Variants in RBFOX1 observed in about 807,000 individuals in gnomAD.
RBFOX1 encodes the protein RNA binding fox-1 homolog 1.
RBFOX1 carries 8 observed loss-of-function variants against 57.7 expected under a neutral mutation model. That is an observed-to-expected ratio of 0.14 (90% CI 0.08 to 0.25). The LOEUF (loss-of-function observed/expected upper bound fraction) is 0.25, where lower values mean the gene tolerates loss of function less well. Among genes scored for constraint, RBFOX1 ranks in the 10% least tolerant of loss-of-function variants. The pLI, the probability that RBFOX1 is intolerant of heterozygous loss-of-function variation, is 1.00. For synonymous variants in RBFOX1, 326 were observed against 222.4 expected (o/e 1.47, Z -4.15); for missense variants, 611 against 548.5 (o/e 1.11, Z -1.14).
chr16:5,341,898 A>G (rs1269404889), intron 1 of RBFOX1, among the ~76,000 whole-genome samples: 1 of 152,174 alleles, frequency 6.6e-6, no homozygotes, highest in African/African-American at 2.4e-5. Flanking sequence ...TGGAGTGTTC[A>G]GACGGGAAGC....
chr16:6,767,775 A>T (rs2077547928), intron 3 of RBFOX1, among the ~76,000 whole-genome samples: 1 of 151,802 alleles, frequency 6.6e-6, no homozygotes. Flanking sequence ...TTAGCCAGGC[A>T]TGGTGACGGG....
chr16:6,869,976 G>A (rs2060588925), intron 3 of RBFOX1, among the ~76,000 whole-genome samples: 1 of 152,098 alleles, frequency 6.6e-6, no homozygotes, highest in Admixed American at 6.6e-5. Context: ...TATAAAATAA[G>A]GGATCAAAGG....
chr16:5,823,230 C>G lies in RBFOX1; in HGVS notation c.319-44073C>G, dbSNP rs12149778. 1.8e-3 allele frequency among the ~76,000 whole-genome samples: 274 copies of G among 152,264 alleles called. 1 individual carries two copies. The highest frequency in any genetic ancestry group is 4.6e-3 in the Admixed American group (71 of 15,300). On this transcript the variant is annotated intron_variant, in intron 3 of 19. Coordinates refer to the RBFOX1 transcript ENST00000641259. ...ATGAACACCCATTCACTTTGCTATT[C>G]TAGCATAAGTCCTTACACATAGTTG...
chr16:7,057,175 C>G (rs1405104647), intron 4 of RBFOX1, among the ~76,000 whole-genome samples: 1 of 152,144 alleles, frequency 6.6e-6, no homozygotes, highest in Non-Finnish European at 1.5e-5. Context: ...CCACCAAACT[C>G]CCCACAAGGA....
rs149883296 is a variant in RBFOX1, at chr16:6,624,503, C to G, written c.-63-30100C>G. On this transcript the variant is annotated intron_variant, in intron 2 of 15. Coordinates refer to ENST00000550418, the MANE Select transcript of RBFOX1 (RefSeq NM_018723.4). ...AAGGTAATCTACCTAACAGAACATACCAGTTTCCACCCACCTTTGTTTTGG... is the reference window on the plus strand; with the variant it reads ...AAGGTAATCTACCTAACAGAACATAGCAGTTTCCACCCACCTTTGTTTTGG... Among the ~76,000 whole-genome samples the G allele has an allele frequency of 1.2e-3, 186 of 152,200 alleles. 2 individuals carry two copies. The South Asian group carries it at 0.015, about 12-fold the overall frequency.
intron 2 of RBFOX1, among the ~76,000 whole-genome samples, chr16:6,574,577 C>T (rs151128004): frequency 0.019 from 2,866 of 150,306 alleles, 87 homozygotes; most frequent in African/African-American, 0.063. Context: ...TACAGGCGCC[C>T]GCCACCAAGC....
Position 5,453,583 on chromosome 16 carries a change from T to C in RBFOX1, c.220-13633T>C, listed in dbSNP as rs1050439725. ...CTTGGCTCAGAAGCTACATGCATCA[T>C]AGGAGTCAATATATCCTCTTAATAC... is the stretch of plus-strand genomic sequence containing the variant. On this transcript the variant is annotated intron_variant, in intron 1 of 2. Coordinates refer to the RBFOX1 transcript ENST00000585867. Among the ~76,000 whole-genome samples, 3 of 152,244 alleles carry C rather than the reference T, an allele frequency of 2.0e-5. No individual in the cohort carries two copies. In the South Asian group the frequency reaches 6.2e-4, roughly 32 times the overall value.
intron 4 of RBFOX1, among the ~76,000 whole-genome samples, chr16:7,194,236 G>T (rs548729094): frequency 2.2e-4 from 33 of 152,234 alleles, no homozygotes; most frequent in African/African-American, 7.9e-4. Flanking sequence ...TACAGGTAAT[G>T]GTTGTTAGAT....
At chr16:5,856,805 G>A (rs556811733) in intron 3 of RBFOX1, among the ~76,000 whole-genome samples, 1 of 151,554 alleles carries the variant, frequency 6.6e-6, no homozygotes, top group South Asian at 2.1e-4. Flanking sequence ...TCTGGGTTGG[G>A]CTTTGGCTTA....
At chr16:7,409,832 T>C (rs1376308051) in intron 4 of RBFOX1, among the ~76,000 whole-genome samples, 1 of 152,198 alleles carries the variant, frequency 6.6e-6, no homozygotes, top group African/African-American at 2.4e-5. Flanking sequence ...TTAGTCCCAT[T>C]GCTTTGATAT....
chr16:7,250,474 CAGCTG>C (rs1278220910), intron 4 of RBFOX1, among the ~76,000 whole-genome samples: 249 of 152,330 alleles, frequency 1.6e-3, no homozygotes, highest in Non-Finnish European at 2.5e-3. Flanking sequence ...TTCATCGCCT[CAGCTG>C]CAGCCTCAGC....
chr16:6,901,118 C>T (rs1289903754), intron 3 of RBFOX1, among the ~76,000 whole-genome samples: 1 of 152,154 alleles, frequency 6.6e-6, no homozygotes, highest in Non-Finnish European at 1.5e-5. Context: ...TTCCTATCGA[C>T]AGGCTTTGTG....
intron 3 of RBFOX1, among the ~76,000 whole-genome samples, chr16:5,775,738 A>G (rs912008881): frequency 1.1e-4 from 16 of 152,230 alleles, no homozygotes; most frequent in Middle Eastern, 3.2e-3. Flanking sequence ...TGTTGGAAGC[A>G]TGGAATGCTG....
intron 2 of RBFOX1, among the ~76,000 whole-genome samples, chr16:6,495,068 G>T (rs1179046481): frequency 6.6e-6 from 1 of 152,126 alleles, no homozygotes; most frequent in Non-Finnish European, 1.5e-5. Flanking sequence ...TCTGGCTGGA[G>T]AACCCCGCAT....
chr16:5,682,642 G>T (rs2050375598), intron 3 of RBFOX1, among the ~76,000 whole-genome samples: 1 of 152,130 alleles, frequency 6.6e-6, no homozygotes, highest in Non-Finnish European at 1.5e-5. Context: ...TAATAGATAA[G>T]CAATTGGCCC....
chr16:7,459,234 C>G (rs545794687), intron 4 of RBFOX1, among the ~76,000 whole-genome samples: 4 of 152,094 alleles, frequency 2.6e-5, no homozygotes, highest in Non-Finnish European at 4.4e-5. Context: ...CAGTAGTAAT[C>G]TCTACTTTCT....
chr16:7,083,418 C>T (rs1490344375), intron 4 of RBFOX1, among the ~76,000 whole-genome samples: 1 of 148,670 alleles, frequency 6.7e-6, no homozygotes, highest in African/African-American at 2.4e-5. Context: ...AGAGCATAAC[C>T]AGGGGACTCA....
intron 4 of RBFOX1, among the ~76,000 whole-genome samples, chr16:7,134,809 A>G (rs545071012): frequency 1.1e-4 from 17 of 152,352 alleles, no homozygotes; most frequent in East Asian, 9.6e-4. Context: ...AAAGGAGTAC[A>G]TAGCATGCAG....
chr16:6,067,005 A>G (rs908690835), intron 1 of RBFOX1, among the ~76,000 whole-genome samples: 18 of 152,146 alleles, frequency 1.2e-4, no homozygotes, highest in African/African-American at 4.1e-4. Context: ...TGCCTGAACT[A>G]TCAACACGGC....
Sources: allele counts gnomAD v4.1 joint callset (sites outside exome capture counted in the v4.1 genomes callset), GRCh38; gene constraint gnomAD v4.1.1; transcripts MANE v1.5; gene names NCBI Gene and HGNC (gene_info 2026-07-23, HGNC 2026-07-21).